The following BACH2 variants were observed in gnomAD, a reference collection of about 807,000 sequenced individuals.
The protein encoded by BACH2 is BACH transcriptional regulator 2.
In BACH2, 5 loss-of-function variants were observed where a neutral mutation model predicts 61.8. That is an observed-to-expected ratio of 0.08 (90% CI 0.04 to 0.17). The LOEUF (loss-of-function observed/expected upper bound fraction) is 0.17. Among genes scored for constraint, BACH2 ranks in the 10% least tolerant of loss-of-function variants. The pLI is 1.00. For synonymous variants in BACH2, 446 were observed against 440.1 expected (o/e 1.01, Z -0.17); for missense variants, 824 against 1,091.1 (o/e 0.76, Z 3.45).
intron 6 of BACH2, among the ~76,000 whole-genome samples, chr6:89,993,460 T>C (rs1776685058): frequency 6.6e-6 from 1 of 152,174 alleles, no homozygotes; most frequent in East Asian, 1.9e-4. Flanking sequence ...AAGATATTTC[T>C]GGAGGCTCCT....
At chr6:90,102,839 T>TAATAATAATAATAATAATAAA (rs751278080) in intron 4 of BACH2, among the ~76,000 whole-genome samples, 3 of 122,220 alleles carry the variant, frequency 2.5e-5, no homozygotes, top group South Asian at 3.0e-4. Flanking sequence ...ATAATAATAA[T>TAATAATAATAATAATAATAAA]AAAAATAAAA....
At chr6:90,093,509 A>G (rs1300905978) in intron 4 of BACH2, among the ~76,000 whole-genome samples, 1 of 152,238 alleles carries the variant, frequency 6.6e-6, no homozygotes, top group Non-Finnish European at 1.5e-5. Context: ...TGAGCACTTG[A>G]AAAGTACCTA....
At chr6:90,148,219 C>T (rs1784688936) in intron 4 of BACH2, among the ~76,000 whole-genome samples, 1 of 152,128 alleles carries the variant, frequency 6.6e-6, no homozygotes, top group Non-Finnish European at 1.5e-5. Flanking sequence ...GCCACATCCA[C>T]CCAAGTGAGG....
At chr6:90,128,389 T>C (rs1003308432) in intron 4 of BACH2, among the ~76,000 whole-genome samples, 1 of 152,170 alleles carries the variant, frequency 6.6e-6, no homozygotes, top group Non-Finnish European at 1.5e-5. Context: ...CAGACCATTC[T>C]GGCCAACATG....
At chr6:90,013,755 G>T (rs544145337) in intron 5 of BACH2, among the ~76,000 whole-genome samples, 1 of 151,804 alleles carries the variant, frequency 6.6e-6, no homozygotes, top group Non-Finnish European at 1.5e-5. Flanking sequence ...TGATCCCCCC[G>T]CCTTGGCCTC....
intron 3 of BACH2, among the ~76,000 whole-genome samples, chr6:90,249,902 C>T (rs571784534): frequency 6.6e-6 from 1 of 152,352 alleles, no homozygotes; most frequent in East Asian, 1.9e-4. Flanking sequence ...GAATACTCCA[C>T]AGAACAAGAC....
chr6:90,180,727 T>G (rs893770348), intron 4 of BACH2, among the ~76,000 whole-genome samples: 1 of 152,124 alleles, frequency 6.6e-6, no homozygotes, highest in African/African-American at 2.4e-5. Flanking sequence ...CATGGCTGAG[T>G]AGTATTCCAT....
At chr6:90,169,755 G>T (rs1767749791) in intron 4 of BACH2, among the ~76,000 whole-genome samples, 1 of 152,082 alleles carries the variant, frequency 6.6e-6, no homozygotes, top group Admixed American at 6.5e-5. Flanking sequence ...GGTTACTTTT[G>T]CCCTGTTTGT....
intron 3 of BACH2, among the ~76,000 whole-genome samples, chr6:90,209,780 C>A (rs560822825): frequency 6.6e-6 from 1 of 152,302 alleles, no homozygotes; most frequent in East Asian, 1.9e-4. Flanking sequence ...TGCCCCCGCC[C>A]CAACTGTTCT....
chr6:89,992,185 T>C (rs770405640), intron 6 of BACH2, among the ~76,000 whole-genome samples: 4 of 152,222 alleles, frequency 2.6e-5, no homozygotes, highest in Non-Finnish European at 5.9e-5. Flanking sequence ...TTACAAAGTA[T>C]GCAAATGTAT....
At chr6:89,981,353 G>C (rs1478990069) in intron 6 of BACH2, among the ~76,000 whole-genome samples, 1 of 151,942 alleles carries the variant, frequency 6.6e-6, no homozygotes, top group Admixed American at 6.6e-5. Flanking sequence ...GTGTTAGCCA[G>C]GATGGTATCG....
chr6:90,220,202 A>G (rs1386857921), intron 3 of BACH2, among the ~76,000 whole-genome samples: 1 of 152,220 alleles, frequency 6.6e-6, no homozygotes, highest in Admixed American at 6.5e-5. Context: ...AAGGTCCTTT[A>G]TAACTCTATA....
chr6:90,101,868 A>G (rs1437831020), intron 4 of BACH2, among the ~76,000 whole-genome samples: 1 of 152,010 alleles, frequency 6.6e-6, no homozygotes, highest in Non-Finnish European at 1.5e-5. Flanking sequence ...CAAGTCTTGC[A>G]CTTCTTTTCT....
Position 90,284,588 on chromosome 6 carries a change from G to A in BACH2, c.-446+11892C>T, listed in dbSNP as rs144444350. On this transcript the variant is annotated intron_variant, in intron 1 of 8. Transcript: ENST00000257749. ...CTCAAACACAGCCCCGACAGGAGAT[G>A]CTTAGCGCAGAGATTTCTAAACGAT... is the stretch of plus-strand genomic sequence containing the variant. Among the ~76,000 whole-genome samples, 359 of 152,274 alleles carry A rather than the reference G, an allele frequency of 2.4e-3. 1 individual carries two copies. Among genetic ancestry groups the A allele is most frequent in the Middle Eastern group, 3.4e-3 (1 of 294 alleles).
intron 3 of BACH2, among the ~76,000 whole-genome samples, chr6:90,230,946 G>A (rs1242363432): frequency 2.6e-5 from 4 of 152,190 alleles, no homozygotes; most frequent in Non-Finnish European, 5.9e-5. Context: ...GCATTATCAT[G>A]TGGAAGATGC....
intron 5 of BACH2, among the ~76,000 whole-genome samples, chr6:90,013,607 C>T (rs546094283): frequency 1.3e-5 from 2 of 151,034 alleles, no homozygotes; most frequent in Non-Finnish European, 3.0e-5. Flanking sequence ...CCTGGGTTCA[C>T]GCCATTCTCC....
chr6:90,155,840 C>T (rs946125252), intron 4 of BACH2, among the ~76,000 whole-genome samples: 1 of 152,164 alleles, frequency 6.6e-6, no homozygotes, highest in Non-Finnish European at 1.5e-5. Flanking sequence ...TTCACAGACA[C>T]ATCCCATGCA....
intron 7 of BACH2, among the ~76,000 whole-genome samples, chr6:89,942,091 T>C (rs1773468462): frequency 6.6e-6 from 1 of 151,784 alleles, no homozygotes; most frequent in Non-Finnish European, 1.5e-5. Flanking sequence ...AAACCCCAAC[T>C]CACTCTTGTT....
At chr6:90,154,848 G>C (rs1397143395) in intron 4 of BACH2, among the ~76,000 whole-genome samples, 3 of 152,146 alleles carry the variant, frequency 2.0e-5, no homozygotes, top group Non-Finnish European at 4.4e-5. Context: ...GACCCACTGA[G>C]AGCCTCTTGT....
Sources: allele counts gnomAD v4.1 joint callset (sites outside exome capture counted in the v4.1 genomes callset), GRCh38; gene constraint gnomAD v4.1.1; transcripts MANE v1.5; gene names NCBI Gene and HGNC (gene_info 2026-07-23, HGNC 2026-07-21).